Variants in NEK11 observed in about 807,000 individuals in gnomAD.
NEK11 encodes the protein serine/threonine-protein kinase Nek11.
Under a neutral mutation model 80.7 loss-of-function variants are expected in NEK11, and 72 were observed. The ratio of observed to expected loss-of-function variants is 0.89; its 90% confidence interval spans 0.74 to 1.08. The LOEUF (loss-of-function observed/expected upper bound fraction) is 1.08. NEK11 is among the 50% of genes least tolerant of loss of function. The probability of loss-of-function intolerance (pLI) is 0.00; values close to 1 mark genes in which losing one functional copy is unlikely to be tolerated. For missense variants in NEK11, 764 were observed against 763.6 expected, an observed-to-expected ratio of 1.00 and a Z score of -0.01; for synonymous variants, 251 against 260.7, an observed-to-expected ratio of 0.96 and a Z score of 0.36.
intron 9 of NEK11, 38 bp from the exon 10 acceptor site, chr3:131,154,998 G>A (rs1005435312): frequency 4.1e-6 from 5 of 1,207,424 alleles, no homozygotes; most frequent in Non-Finnish European, 4.9e-6. Flanking sequence ...CCCTAAAGAG[G>A]AGCCTTTAAG....
chr3:131,299,015 C>G (rs541264231), intron 17 of NEK11, among the ~76,000 whole-genome samples: 1 of 150,810 alleles, frequency 6.6e-6, no homozygotes, highest in African/African-American at 2.4e-5. Context: ...AGATTTTTTC[C>G]TCAGCCATTT....
At chr3:131,048,942 CT>C (rs935213609) in intron 3 of NEK11, among the ~76,000 whole-genome samples, 1 of 152,204 alleles carries the variant, frequency 6.6e-6, no homozygotes, top group African/African-American at 2.4e-5. Context: ...CATTGAGACG[CT>C]GGCACCTGTG....
intron 17 of NEK11, among the ~76,000 whole-genome samples, chr3:131,333,648 C>T (rs1414260368): frequency 2.6e-5 from 4 of 152,086 alleles, no homozygotes; most frequent in East Asian, 3.9e-4. Flanking sequence ...GGACTAAATG[C>T]TCCAATTAAA....
In NEK11 at chr3:131,152,670, C is replaced by T. The variant is rs769704761; in HGVS notation, c.837C>T (p.Ile279=). 2.2e-5 allele frequency: 36 copies of T among 1,613,350 alleles called. No homozygotes were observed. Among genetic ancestry groups the T allele is most frequent in the Admixed American group, 3.3e-5 (2 of 59,954 alleles). ...ATCCTTCATTAAGACCATCTGCTAT[C>T]GAAATTTTAAAAATCCCTTACCTTG... is the stretch of plus-strand genomic sequence containing the variant. The part of the protein sequence containing the change: ...NKNPSLRPSA[I]EILKIPYLDE... Residue 279 remains isoleucine, a synonymous_variant, in exon 9 of 18, where the codon ATC becomes ATT. Coordinates refer to ENST00000383366, the MANE Select transcript of NEK11 (RefSeq NM_024800.5).
chr3:131,304,647 T>C (rs990243111), intron 17 of NEK11, among the ~76,000 whole-genome samples: 2 of 152,178 alleles, frequency 1.3e-5, no homozygotes, highest in Admixed American at 1.3e-4. Flanking sequence ...GCTTTGTTTA[T>C]GGAATAAGCT....
At chr3:131,067,571 A>G (rs1160488696) in intron 3 of NEK11, among the ~76,000 whole-genome samples, 1 of 152,220 alleles carries the variant, frequency 6.6e-6, no homozygotes, top group East Asian at 1.9e-4. Flanking sequence ...AATAATAAAA[A>G]TACCTTTCAA....
chr3:131,108,473 G>A (rs1444989799), intron 4 of NEK11, among the ~76,000 whole-genome samples: 2 of 152,072 alleles, frequency 1.3e-5, no homozygotes, highest in Non-Finnish European at 2.9e-5. Context: ...CTTTTCTTTA[G>A]AGGAACATTT....
intron 14 of NEK11, among the ~76,000 whole-genome samples, chr3:131,210,517 C>T (rs1443766737): frequency 1.3e-5 from 2 of 152,142 alleles, no homozygotes; most frequent in Non-Finnish European, 2.9e-5. Context: ...AGTTCAATTC[C>T]TGGATATCCT....
In NEK11 at chr3:131,187,701, G is replaced by A. The variant is rs145347015; in HGVS notation, c.1399+16814G>A. On this transcript the variant is annotated intron_variant, in intron 14 of 17. Coordinates refer to ENST00000383366, the MANE Select transcript of NEK11 (RefSeq NM_024800.5). ...CACTAAATAGAAGAAATGAGTACAG[G>A]TGTTTTGGTTGAAGTCCTACTTCCA... Among the ~76,000 whole-genome samples, 422 of 152,212 alleles carry A rather than the reference G, an allele frequency of 2.8e-3. 1 individual carries two copies. The highest frequency in any genetic ancestry group is 9.8e-3 in the African/African-American group (408 of 41,548).
chr3:131,075,622 G>A (rs2074224688), intron 3 of NEK11, among the ~76,000 whole-genome samples: 1 of 152,088 alleles, frequency 6.6e-6, no homozygotes, highest in Non-Finnish European at 1.5e-5. Flanking sequence ...CTATCTACAT[G>A]TAAATGGAGA....
chr3:131,197,612 G>A (rs2094070458), intron 14 of NEK11, among the ~76,000 whole-genome samples: 1 of 152,118 alleles, frequency 6.6e-6, no homozygotes, highest in Admixed American at 6.5e-5. Context: ...CATCTGATGG[G>A]TACTATCAAT....
At chr3:131,115,483 G>A (rs1460795701) in intron 5 of NEK11, among the ~76,000 whole-genome samples, 1 of 152,144 alleles carries the variant, frequency 6.6e-6, no homozygotes, top group Non-Finnish European at 1.5e-5. Context: ...AAAAAGTGAA[G>A]AATCTGTTCA....
chr3:131,033,573 A>T (rs995802655), intron 3 of NEK11, among the ~76,000 whole-genome samples: 3 of 152,208 alleles, frequency 2.0e-5, no homozygotes, highest in Non-Finnish European at 4.4e-5. Flanking sequence ...ACATTTCTAT[A>T]TTTAATCAAA....
chr3:131,270,776 G>T (rs1400727629), intron 16 of NEK11, among the ~76,000 whole-genome samples: 1 of 152,110 alleles, frequency 6.6e-6, no homozygotes, highest in East Asian at 1.9e-4. Flanking sequence ...GGAAACTGTA[G>T]CCAGCTTAAA....
At chr3:131,336,606 A>G (rs900527197) in intron 17 of NEK11, among the ~76,000 whole-genome samples, 22 of 152,324 alleles carry the variant, frequency 1.4e-4, no homozygotes, top group Admixed American at 9.1e-4. Flanking sequence ...ACAAAAGCCA[A>G]AATTGACAAA....
rs55813244 is a variant in NEK11 at position 131,273,499 on chromosome 3, T to C, written c.1643T>C (p.Met548Thr). ...TCAGACACAAAGACCATCACCACCATGGCTGAAGACATGTCCCCAGGACCA... is the reference window on the plus strand; with the variant it reads ...TCAGACACAAAGACCATCACCACCACGGCTGAAGACATGTCCCCAGGACCA... Reference protein sequence around the residue: ...TSLDTKTITTMAEDMSPGPPI... With the variant: ...TSLDTKTITTTAEDMSPGPPI... The change falls in exon 17 of 18, where the codon ATG becomes ACG. Residue 548 changes from methionine (M) to threonine (T), a missense_variant. Coordinates refer to ENST00000383366, the MANE Select transcript of NEK11 (RefSeq NM_024800.5). 91 of 1,613,982 alleles carry C rather than the reference T, an allele frequency of 5.6e-5. No homozygotes were observed. The East Asian group carries it at 1.5e-3, about 26-fold the overall frequency.
chr3:131,295,473 G>A (rs74374078), intron 17 of NEK11, among the ~76,000 whole-genome samples: 25 of 152,256 alleles, frequency 1.6e-4, no homozygotes, highest in African/African-American at 5.3e-4. Context: ...CGTGTAGTAC[G>A]TTATCATGCG....
chr3:131,121,084 A>G (rs995063248), intron 5 of NEK11, among the ~76,000 whole-genome samples: 1 of 152,136 alleles, frequency 6.6e-6, no homozygotes, highest in African/African-American at 2.4e-5. Flanking sequence ...AATTTTCAGC[A>G]TTTCTTCTCT....
chr3:131,275,910 G>A (rs79861335), intron 17 of NEK11, among the ~76,000 whole-genome samples: 7,993 of 152,286 alleles, frequency 0.052, 422 homozygotes, highest in East Asian at 0.3. Context: ...TAGTGGTTAT[G>A]TAATATGAGG....
Sources: gnomAD v4.1 joint callset for allele counts (sites outside exome capture counted in the v4.1 genomes callset) on GRCh38, gnomAD v4.1.1 for gene constraint, MANE v1.5 for transcripts, NCBI Gene and HGNC (gene_info 2026-07-23, HGNC 2026-07-21) for gene names.